Variants in CMSS1 observed in about 807,000 individuals in gnomAD.
The protein encoded by CMSS1 is protein CMSS1.
CMSS1 carries 33 observed loss-of-function variants against 43.5 expected under a neutral mutation model. The observed-to-expected ratio is 0.76, with a 90% CI of 0.57 to 1.01. The LOEUF (loss-of-function observed/expected upper bound fraction) is 1.01. CMSS1 is among the 50% of genes least tolerant of loss of function. The pLI, the probability that CMSS1 is intolerant of heterozygous loss-of-function variation, is 0.00. For missense variants in CMSS1, 313 were observed against 326.4 expected (o/e 0.96, Z 0.32); for synonymous variants, 115 against 117.2 (o/e 0.98, Z 0.12).
intron 1 of CMSS1, among the ~76,000 whole-genome samples, chr3:100,092,299 G>C (rs1381677041): frequency 6.6e-6 from 1 of 152,158 alleles, no homozygotes; most frequent in Non-Finnish European, 1.5e-5. Context: ...ATGAAAGCAT[G>C]TGTCCCTGAA....
At chr3:99,979,061 CT>C (rs1207500399) in intron 1 of CMSS1, among the ~76,000 whole-genome samples, 1 of 152,090 alleles carries the variant, frequency 6.6e-6, no homozygotes, top group African/African-American at 2.4e-5. Flanking sequence ...TAACAATTTA[CT>C]GTATATTTTC....
chr3:100,050,482 CT>C (rs750078625), intron 1 of CMSS1, among the ~76,000 whole-genome samples: 30 of 152,200 alleles, frequency 2.0e-4, no homozygotes, highest in Non-Finnish European at 3.4e-4. Flanking sequence ...TAGTCATTTT[CT>C]GTTTTTTTAG....
At chr3:100,131,217 T>G (rs899559791) in intron 1 of CMSS1, among the ~76,000 whole-genome samples, 2 of 152,090 alleles carry the variant, frequency 1.3e-5, no homozygotes, top group African/African-American at 2.4e-5. Flanking sequence ...TTTTCCAAGC[T>G]CACACAGCTT....
intron 1 of CMSS1, among the ~76,000 whole-genome samples, chr3:99,822,837 T>A (rs922258543): frequency 2.6e-5 from 4 of 152,230 alleles, no homozygotes; most frequent in Non-Finnish European, 4.4e-5. Context: ...ATGTTCTAGT[T>A]AATTTAATCT....
intron 1 of CMSS1, among the ~76,000 whole-genome samples, chr3:99,879,291 T>A (rs930186002): frequency 6.6e-6 from 1 of 152,238 alleles, no homozygotes. Context: ...TTAGCCATAT[T>A]ATATTATGTC....
At chr3:99,931,725 C>G (rs1294523857) in intron 1 of CMSS1, among the ~76,000 whole-genome samples, 1 of 152,158 alleles carries the variant, frequency 6.6e-6, no homozygotes, top group Non-Finnish European at 1.5e-5. Context: ...AGCGGAGATA[C>G]TACTACCTAA....
chr3:100,080,017 A>G (rs1331641980), intron 1 of CMSS1, among the ~76,000 whole-genome samples: 4 of 152,222 alleles, frequency 2.6e-5, no homozygotes, highest in Non-Finnish European at 5.9e-5. Context: ...AGAATTCACC[A>G]TATGAGAAAT....
intron 1 of CMSS1, among the ~76,000 whole-genome samples, chr3:99,991,477 A>G (rs980283313): frequency 9.9e-5 from 15 of 152,080 alleles, no homozygotes; most frequent in Admixed American, 8.5e-4. Context: ...TATATTTAGG[A>G]GGTACAAATG....
intron 2 of CMSS1, among the ~76,000 whole-genome samples, chr3:100,159,394 C>T (rs1350336770): frequency 1.3e-5 from 2 of 152,182 alleles, no homozygotes; most frequent in African/African-American, 2.4e-5. Flanking sequence ...TCTCTGACTT[C>T]AGGCCATAGA....
intron 1 of CMSS1, among the ~76,000 whole-genome samples, chr3:100,067,710 A>C (rs2065690513): frequency 6.6e-6 from 1 of 152,150 alleles, no homozygotes. Flanking sequence ...TAGTTTAAAA[A>C]CTGTGTACTG....
At chr3:99,871,670 G>T (rs1944792908) in intron 1 of CMSS1, among the ~76,000 whole-genome samples, 1 of 152,144 alleles carries the variant, frequency 6.6e-6, no homozygotes, top group Non-Finnish European at 1.5e-5. Context: ...GATCCTGCTA[G>T]CTGCGGACGT....
chr3:99,902,442 T>G (rs913705690), intron 1 of CMSS1, among the ~76,000 whole-genome samples: 1 of 152,106 alleles, frequency 6.6e-6, no homozygotes, highest in Non-Finnish European at 1.5e-5. Context: ...TGAAAAAAGG[T>G]AGTGAAAATG....
intron 1 of CMSS1, among the ~76,000 whole-genome samples, chr3:99,821,176 T>C (rs1057412389): frequency 6.6e-6 from 1 of 152,236 alleles, no homozygotes; most frequent in African/African-American, 2.4e-5. Flanking sequence ...GTCATTTTTG[T>C]GCTAGAGTTC....
chr3:99,836,453 G>T (rs2107495730), intron 1 of CMSS1, among the ~76,000 whole-genome samples: 1 of 152,260 alleles, frequency 6.6e-6, no homozygotes, highest in East Asian at 1.9e-4. Context: ...TGGTAGAGTT[G>T]AAATTTTGGA....
In CMSS1 at chr3:99,959,807, T is replaced by C. The variant is rs191978268; in HGVS notation, c.64+141764T>C. ...CAATTAAAGGAAGGGATTGTACTAA[T>C]GTAATTTTTTTAGAATTACCCAACA... On this transcript the variant is annotated intron_variant, in intron 1 of 9. Coordinates refer to ENST00000421999, the MANE Select transcript of CMSS1 (RefSeq NM_032359.4). Among the ~76,000 whole-genome samples the C allele has an allele frequency of 4.1e-4, 62 of 152,346 alleles. 2 individuals are homozygous for C. The highest frequency in any genetic ancestry group is 3.9e-3 in the South Asian group (19 of 4,822).
At chr3:100,098,809 A>C (rs941056391) in intron 1 of CMSS1, among the ~76,000 whole-genome samples, 2 of 152,238 alleles carry the variant, frequency 1.3e-5, no homozygotes, top group African/African-American at 2.4e-5. Flanking sequence ...TAAACTAGGA[A>C]AATATTTTAG....
chr3:100,011,816 G>A (rs1295145445), intron 1 of CMSS1: 2 of 152,136 alleles, frequency 1.3e-5, no homozygotes, highest in Non-Finnish European at 2.9e-5. Flanking sequence ...ATGAATAGAA[G>A]GATGAGTGGC....
At chr3:100,124,914 G>A (rs2066651607) in intron 1 of CMSS1, among the ~76,000 whole-genome samples, 1 of 151,988 alleles carries the variant, frequency 6.6e-6, no homozygotes, top group African/African-American at 2.4e-5. Context: ...TTTTCAGTCT[G>A]TACCTCATCC....
chr3:100,135,526 TG>T lies in CMSS1; in HGVS notation c.65-11445del, dbSNP rs2066746573. ...AGGGTCTTGCTCTGTCACCCAGGCC[TG>T]GAGTGCAGTGGCATCATCATAGCTC... is the stretch of plus-strand genomic sequence containing the variant. On this transcript the variant is annotated intron_variant, in intron 1 of 9. Transcript: ENST00000421999. 2.0e-5 allele frequency among the ~76,000 whole-genome samples: 3 copies of T among 150,442 alleles called. No individual in the cohort carries two copies. In the South Asian group the frequency reaches 6.3e-4, roughly 32 times the overall value.
Sources: gnomAD v4.1 joint callset for allele counts (sites outside exome capture counted in the v4.1 genomes callset) on GRCh38, gnomAD v4.1.1 for gene constraint, MANE v1.5 for transcripts, NCBI Gene and HGNC (gene_info 2026-07-23, HGNC 2026-07-21) for gene names.